KANK1: variants seen among roughly 807,000 people sequenced by gnomAD.
KANK1 encodes the protein KN motif and ankyrin repeat domains 1, also known as KN motif and ankyrin repeat domain-containing protein 1.
In KANK1, 109 loss-of-function variants were observed where a neutral mutation model predicts 106.2. The observed-to-expected ratio is 1.03, with a 90% CI of 0.88 to 1.20. KANK1 has a LOEUF of 1.20. Ranked by LOEUF, KANK1 falls within the 50% of genes most tolerant of loss-of-function variation. The pLI is 0.00. For synonymous variants in KANK1, 873 were observed against 652.2 expected, an observed-to-expected ratio of 1.34 and a Z score of -5.16; for missense variants, 2,399 against 1,710.7, an observed-to-expected ratio of 1.40 and a Z score of -7.10.
At chr9:643,528 C>G (rs1015371384) in intron 1 of KANK1, among the ~76,000 whole-genome samples, 6 of 133,570 alleles carry the variant, frequency 4.5e-5, no homozygotes, top group African/African-American at 1.8e-4. Flanking sequence ...CCAGAATTTG[C>G]TTTTTTTCTT....
chr9:504,873 G>C (rs1224151032), intron 1 of KANK1, 119 bp downstream of exon 1: 1 of 145,936 alleles, frequency 6.9e-6, no homozygotes, highest in African/African-American at 2.5e-5. Flanking sequence ...CGCGCGCCGG[G>C]GTTGCGCGGC....
chr9:581,326 A>G (rs947020955), intron 1 of KANK1, among the ~76,000 whole-genome samples: 2 of 152,214 alleles, frequency 1.3e-5, no homozygotes, highest in African/African-American at 4.8e-5. Flanking sequence ...CCTATCTTAA[A>G]CAGACCCTTT....
Position 744,490 on chromosome 9 carries a change from G to C in KANK1, c.3898-1G>C. On this transcript the variant is annotated splice_acceptor_variant, in intron 10 of 11. Transcript: ENST00000382297. LOFTEE classifies it high-confidence loss of function. ...GCTTGTTCTTTCCATCTTATCTTAA[G>C]GATGGCAGCACTGCGCTCTCAATCG... 1.2e-6 allele frequency: 2 copies of C among 1,611,344 alleles called. No individual in the cohort carries two copies. Among genetic ancestry groups the C allele is most frequent in the Non-Finnish European group, 1.7e-6 (2 of 1,177,986 alleles).
rs1836753814 is a variant in KANK1, at chr9:744,745, C to G, written c.3996+156C>G. 4 of 1,514,866 alleles carry G rather than the reference C, an allele frequency of 2.6e-6. No individual in the cohort carries two copies. The South Asian group carries it at 3.8e-5, about 15-fold the overall frequency. The allele number at this position is 1,514,866 out of a possible 1,614,324, so 93.8% of individuals were successfully genotyped here. ...AAGAGTTCATCCTTTCCGCCTCCAC[C>G]CCGCAAAAAGCAGGAGAACTAATGT... On this transcript the variant is annotated intron_variant, in intron 11 of 11. Coordinates refer to ENST00000382297, the MANE Select transcript of KANK1 (RefSeq NM_015158.5).
At chr9:553,184 A>T (rs1036728797) in intron 1 of KANK1, among the ~76,000 whole-genome samples, 11 of 152,252 alleles carry the variant, frequency 7.2e-5, no homozygotes, top group Admixed American at 3.3e-4. Context: ...ACCTTTATTT[A>T]AAAAAATCAT....
chr9:471,310 G>A (rs978560376), intron 2 of KANK1: 1 of 152,324 alleles, frequency 6.6e-6, no homozygotes, highest in Non-Finnish European at 1.5e-5. Flanking sequence ...AAAAGAGATG[G>A]GGTCTCCAGG....
chr9:692,081 C>T (rs936322402), intron 2 of KANK1, among the ~76,000 whole-genome samples: 2 of 130,096 alleles, frequency 1.5e-5, no homozygotes, highest in African/African-American at 2.8e-5. Flanking sequence ...CTCTAAATAG[C>T]CTGTTTTGTA....
intron 1 of KANK1, among the ~76,000 whole-genome samples, chr9:664,374 A>G (rs1844081867): frequency 6.6e-6 from 1 of 152,128 alleles, no homozygotes; most frequent in Admixed American, 6.5e-5. Context: ...CCCCAGTTTC[A>G]TCCATCTTGC....
intron 1 of KANK1, among the ~76,000 whole-genome samples, chr9:551,674 C>A (rs143996751): frequency 5.8e-4 from 89 of 152,170 alleles, no homozygotes; most frequent in Non-Finnish European, 1.0e-3. Context: ...GTTCTTGCCT[C>A]CACACAGCTT....
intron 1 of KANK1, among the ~76,000 whole-genome samples, chr9:570,378 G>A (rs1818866674): frequency 1.3e-5 from 2 of 152,186 alleles, no homozygotes; most frequent in Non-Finnish European, 2.9e-5. Flanking sequence ...GCTGGCAGTT[G>A]CACTGATGGC....
rs376740141 is a variant in KANK1, at chr9:645,439, TAAAAAA to T, written c.-83-31434_-83-31429del. 6.6e-3 allele frequency among the ~76,000 whole-genome samples: 461 copies of T among 70,268 alleles called. 17 individuals are homozygous for T. Among genetic ancestry groups the T allele is most frequent in the African/African-American group, 0.027 (428 of 15,646 alleles). The allele number at this position is 70,268 out of a possible 152,430, so 46.1% of individuals were successfully genotyped here. A position where few individuals can be genotyped will look rare whatever the true frequency, so the allele number is the denominator to read the frequency against. The stretch of plus-strand genomic sequence containing the variant: ...TGTGTGACACAATGAGACTGTGTCT[TAAAAAA>T]AAAAAAAAAAAAAAAAGGCCTTAAG... On this transcript the variant is annotated intron_variant, in intron 1 of 11. Coordinates refer to ENST00000382297, the MANE Select transcript of KANK1 (RefSeq NM_015158.5).
At chr9:663,331 G>T (rs1417928325) in intron 1 of KANK1, among the ~76,000 whole-genome samples, 1 of 152,178 alleles carries the variant, frequency 6.6e-6, no homozygotes, top group African/African-American at 2.4e-5. Context: ...TGCTTGCTCA[G>T]TAAGAGCAAG....
chr9:576,269 T>C lies in KANK1; in HGVS notation c.-84+71515T>C, dbSNP rs538800485. 1.3e-3 allele frequency among the ~76,000 whole-genome samples: 205 copies of C among 152,322 alleles called. 1 individual carries two copies. The highest frequency in any genetic ancestry group is 4.7e-3 in the African/African-American group (196 of 41,574). ...CCTTTTATAATTTTATGAGTTTAAA[T>C]GCTCAGGGCTGCTGAGATAACATAC... is the stretch of plus-strand genomic sequence containing the variant. On this transcript the variant is annotated intron_variant, in intron 1 of 11. Transcript: ENST00000382297.
intron 7 of KANK1, 147 bp from the exon 8 acceptor site, chr9:738,138 G>A: frequency 1.6e-6 from 1 of 642,430 alleles, no homozygotes; most frequent in African/African-American, 1.8e-5. Flanking sequence ...GGTGTTTGAA[G>A]CTTCTCTTAG....
chr9:688,569 A>G (rs1490572045), intron 2 of KANK1, among the ~76,000 whole-genome samples: 3 of 151,584 alleles, frequency 2.0e-5, no homozygotes, highest in Non-Finnish European at 1.5e-5. Context: ...TCTGCACTTC[A>G]GCCTGAGCGA....
At chr9:692,328 G>A (rs553242549) in intron 2 of KANK1, among the ~76,000 whole-genome samples, 2 of 86,894 alleles carry the variant, frequency 2.3e-5, no homozygotes, top group African/African-American at 7.4e-5. Context: ...ATAAGACCAT[G>A]GCACTTATTT....
At chr9:622,644 C>G (rs1833417753) in intron 1 of KANK1, among the ~76,000 whole-genome samples, 1 of 152,166 alleles carries the variant, frequency 6.6e-6, no homozygotes, top group South Asian at 2.1e-4. Flanking sequence ...TGGCTCATGC[C>G]TGTAATCCCA....
chr9:572,195 T>C (rs1819375277), intron 1 of KANK1, among the ~76,000 whole-genome samples: 1 of 149,612 alleles, frequency 6.7e-6, no homozygotes, highest in South Asian at 2.1e-4. Flanking sequence ...CTTGCTCTTT[T>C]CCCAGGCTTG....
rs1832615711 is a variant in KANK1, at chr9:732,583, G to C, written c.3211G>C (p.Glu1071Gln). 21 of 1,614,054 alleles carry C rather than the reference G, an allele frequency of 1.3e-5. No homozygotes were observed. Among genetic ancestry groups the C allele is most frequent in the South Asian group, 2.2e-5 (2 of 91,084 alleles). ...GGTGGAAGATGAAATGCAGGTTCAAGAATGTGAACCTGAGAAGGTGGAAAT... is the reference window on the plus strand; with the variant it reads ...GGTGGAAGATGAAATGCAGGTTCAACAATGTGAACCTGAGAAGGTGGAAAT... ...ARVEDEMQVQ[E>Q]CEPEKVEIRE... The change falls in exon 6 of 12, where the codon GAA becomes CAA. Residue 1071 changes from glutamate (E) to glutamine (Q), a missense_variant. Transcript: ENST00000382297.
Sources: allele counts gnomAD v4.1 joint callset (sites outside exome capture counted in the v4.1 genomes callset), GRCh38; gene constraint gnomAD v4.1.1; transcripts MANE v1.5; gene names NCBI Gene and HGNC (gene_info 2026-07-23, HGNC 2026-07-21).